PCDHGA5: variants seen among roughly 807,000 people sequenced by gnomAD.
The protein encoded by PCDHGA5 is protocadherin gamma-A5.
A neutral mutation model predicts 56.7 loss-of-function variants in PCDHGA5; 36 were observed. The observed-to-expected ratio is 0.64, with a 90% CI of 0.49 to 0.84. The LOEUF (loss-of-function observed/expected upper bound fraction) is 0.84. PCDHGA5 is among the 40% of genes least tolerant of loss of function. The pLI is 0.00. For missense variants in PCDHGA5, 1,305 were observed against 1,201.5 expected (o/e 1.09, Z -1.27); for synonymous variants, 563 against 520.2 (o/e 1.08, Z -1.12).
At chr5:141,379,481 A>G (rs969144576) in intron 1 of PCDHGA5, 6 of 152,256 alleles carry the variant, frequency 3.9e-5, no homozygotes, top group Non-Finnish European at 5.9e-5. Context: ...ATGTTATTTT[A>G]CTATACTACC....
At chr5:141,408,806 C>T in intron 1 of PCDHGA5, 1 of 1,613,010 alleles carries the variant, frequency 6.2e-7, no homozygotes, top group Non-Finnish European at 8.5e-7. Flanking sequence ...ACTCCTAGAC[C>T]GGGAAGAACA....
chr5:141,478,092 C>T (rs2099429960), intron 1 of PCDHGA5: 1 of 1,614,156 alleles, frequency 6.2e-7, no homozygotes, highest in Non-Finnish European at 8.5e-7. Flanking sequence ...CTCTCCACCA[C>T]TGCTACCCTC....
At chr5:141,408,856 G>A (rs750037212) in intron 1 of PCDHGA5, 1 of 1,613,518 alleles carries the variant, frequency 6.2e-7, no homozygotes, top group Non-Finnish European at 8.5e-7. Flanking sequence ...TGGACGGAGG[G>A]GACCCACCAA....
intron 1 of PCDHGA5, chr5:141,427,962 G>T: frequency 2.5e-6 from 4 of 1,590,100 alleles, no homozygotes; most frequent in Non-Finnish European, 3.4e-6. Flanking sequence ...TGTGCCGCGG[G>T]TGCTGTACCC....
Position 141,386,595 on chromosome 5 carries a change from A to AT in PCDHGA5, c.2421+19856dup, listed in dbSNP as rs373179212. On this transcript the variant is annotated intron_variant, in intron 1 of 3. Coordinates refer to ENST00000518069, the MANE Select transcript of PCDHGA5 (RefSeq NM_018918.3). ...CTCTGTACAATAGTGTGGGGGATAC[A>AT]TTTTTTTTTTTTGACATGGAGTCTC... Among the ~76,000 whole-genome samples, 373 of 146,122 alleles carry AT rather than the reference A, an allele frequency of 2.6e-3. 1 individual carries two copies. The highest frequency in any genetic ancestry group is 0.012 in the East Asian group (62 of 5,036).
intron 1 of PCDHGA5, among the ~76,000 whole-genome samples, chr5:141,380,531 AT>A (rs543704325): frequency 5.7e-4 from 87 of 152,348 alleles, no homozygotes; most frequent in African/African-American, 2.0e-3. Flanking sequence ...AATGATTTCA[AT>A]TTGATACAAT....
chr5:141,490,923 C>T lies in PCDHGA5; in HGVS notation c.2422-3884C>T. The T allele has an allele frequency of 6.2e-7, 1 of 1,613,668 alleles. No homozygotes were observed. Among genetic ancestry groups the T allele is most frequent in the South Asian group, 1.1e-5 (1 of 91,050 alleles). On this transcript the variant is annotated intron_variant, in intron 1 of 3. Coordinates refer to ENST00000518069, the MANE Select transcript of PCDHGA5 (RefSeq NM_018918.3). The surrounding 1 kb of genome is among the most constrained non-coding windows in gnomAD (Gnocchi z 5.4). ...TTGTCCTAGACGAGAATGATAATGC[C>T]CCAGCTGTGCTGCACCCACGGCCAG...
At chr5:141,383,967 C>G in intron 1 of PCDHGA5, 1 of 1,613,458 alleles carries the variant, frequency 6.2e-7, no homozygotes, top group Non-Finnish European at 8.5e-7. Context: ...GTAGCTCAAT[C>G]CCTGAAGACA....
In PCDHGA5 at chr5:141,493,668, GC is replaced by G. The variant is rs1178535601; in HGVS notation, c.2422-1135del. On this transcript the variant is annotated intron_variant, in intron 1 of 3. Coordinates refer to ENST00000518069, the MANE Select transcript of PCDHGA5 (RefSeq NM_018918.3). This position sits in a 1 kb window ranked among gnomAD's most constrained non-coding sequence, Gnocchi z 4.3. ...CATCCCTGTGCCCTTCTCCATGGCAGCCCCAGAATGGTGCTGGTGACTCCCG... is the reference window on the plus strand; with the variant it reads ...CATCCCTGTGCCCTTCTCCATGGCAGCCCAGAATGGTGCTGGTGACTCCCG... Among the ~76,000 whole-genome samples the G allele has an allele frequency of 6.6e-6, 1 of 152,140 alleles. No individual in the cohort carries two copies. The highest frequency in any genetic ancestry group is 2.4e-5 in the African/African-American group (1 of 41,422).
At chr5:141,440,859 T>C (rs1272611201) in intron 1 of PCDHGA5, 1 of 152,076 alleles carries the variant, frequency 6.6e-6, no homozygotes, top group Non-Finnish European at 1.5e-5. Context: ...CCTGTGTTCA[T>C]CTAGGATGTG....
At chr5:141,394,001 G>C in intron 1 of PCDHGA5, 1 of 1,613,458 alleles carries the variant, frequency 6.2e-7, no homozygotes, top group Non-Finnish European at 8.5e-7. Flanking sequence ...AATTAGAAAA[G>C]TCAATAGGTA....
intron 1 of PCDHGA5, chr5:141,428,113 T>G: frequency 3.7e-6 from 6 of 1,607,492 alleles, no homozygotes; most frequent in Non-Finnish European, 5.1e-6. Context: ...CTGCAGGCCA[T>G]CGAGCCCGGG....
chr5:141,510,995 G>T lies in PCDHGA5; in HGVS notation c.2618G>T (p.Gly873Val). ...STLGGGAGTM[G>V]LSARYGPQFT... is the part of the protein sequence containing the mutation. ...CTGGGAGGGGGTGCCGGCACCATGG[G>T]ATTGAGCGCCCGCTACGGACCCCAG... is the stretch of plus-strand genomic sequence containing the variant. Residue 873 changes from glycine to valine, a missense_variant, in exon 4 of 4, where the codon GGA becomes GTA. Physicochemically the swap from Gly to Val is moderately radical, Grantham distance 109. Coordinates refer to ENST00000518069, the MANE Select transcript of PCDHGA5 (RefSeq NM_018918.3). The T allele has an allele frequency of 6.2e-7, 1 of 1,614,172 alleles. No individual in the cohort carries two copies. Among genetic ancestry groups the T allele is most frequent in the Non-Finnish European group, 8.5e-7 (1 of 1,180,018 alleles).
chr5:141,373,865 C>T, intron 1 of PCDHGA5: 1 of 465,356 alleles, frequency 2.1e-6, no homozygotes, highest in Admixed American at 3.9e-5. Context: ...GTTGACCAAC[C>T]TGGGCAAGAA....
rs372052970 is a variant in PCDHGA5, at chr5:141,364,427, T to C, written c.97T>C (p.Tyr33His). 1.2e-5 allele frequency: 20 copies of C among 1,613,650 alleles called. No individual in the cohort carries two copies. Among genetic ancestry groups the C allele is most frequent in the Non-Finnish European group, 1.7e-5 (20 of 1,179,738 alleles). Residue 33 changes from tyrosine to histidine, a missense_variant, in exon 1 of 4, where the codon TAC becomes CAC. Physicochemically the swap from Tyr to His is moderately conservative, Grantham distance 83. Transcript: ENST00000518069. The stretch of plus-strand genomic sequence containing the variant: ...CGAGCCAGGATCCGGGCAGATCCGC[T>C]ACTCGATGCCGGAGGAGCTGGACAA... Reference protein sequence around the residue: ...LCEPGSGQIRYSMPEELDKGS... With the variant: ...LCEPGSGQIRHSMPEELDKGS...
Position 141,432,480 on chromosome 5 carries a change from G to T in PCDHGA5, c.2422-62327G>T, listed in dbSNP as rs775075732. On this transcript the variant is annotated intron_variant, in intron 1 of 3. Transcript: ENST00000518069. This position sits in a 1 kb window ranked among gnomAD's most constrained non-coding sequence, Gnocchi z 6.0. ...GCCCTCCCCACGGACGGTTCCACTG[G>T]CGTGGAGCTGGCTCCCCGCTCCGCA... The T allele has an allele frequency of 1.9e-6, 3 of 1,614,180 alleles. No individual in the cohort carries two copies. The highest frequency in any genetic ancestry group is 2.2e-5 in the South Asian group (2 of 91,078).
At chr5:141,384,549 G>C in intron 1 of PCDHGA5, 1 of 1,614,244 alleles carries the variant, frequency 6.2e-7, no homozygotes, top group Non-Finnish European at 8.5e-7. Context: ...CACTGAGCCT[G>C]TTCGTGCTGG....
chr5:141,508,269 C>G (rs1459186158), intron 3 of PCDHGA5: 1 of 152,186 alleles, frequency 6.6e-6, no homozygotes, highest in Non-Finnish European at 1.5e-5. Flanking sequence ...GAGAAAATCC[C>G]GGTCCTTGAC....
intron 1 of PCDHGA5, chr5:141,384,446 C>A (rs781605513): frequency 6.2e-7 from 1 of 1,613,916 alleles, no homozygotes; most frequent in African/African-American, 1.3e-5. Flanking sequence ...GTCCTGTACG[C>A]GCTGCAATCC....
Sources: allele counts gnomAD v4.1 joint callset (sites outside exome capture counted in the v4.1 genomes callset), GRCh38; gene constraint gnomAD v4.1.1; non-coding constraint Gnocchi (gnomAD v3.1); transcripts MANE v1.5; gene names NCBI Gene and HGNC (gene_info 2026-07-23, HGNC 2026-07-21).